Variants in PDSS2 observed in about 807,000 individuals in gnomAD.
PDSS2 encodes the protein all trans-polyprenyl-diphosphate synthase PDSS2.
PDSS2 carries 31 observed loss-of-function variants against 44.5 expected under a neutral mutation model. The observed-to-expected ratio is 0.70, with a 90% CI of 0.52 to 0.94. The LOEUF (loss-of-function observed/expected upper bound fraction) is 0.94. Among genes scored for constraint, PDSS2 ranks in the 40% least tolerant of loss-of-function variants. PDSS2 has a pLI of 0.00. For synonymous variants in PDSS2, 157 were observed against 180.3 expected (o/e 0.87, Z 1.03); for missense variants, 452 against 482.2 (o/e 0.94, Z 0.59).
chr6:107,410,001 G>C (rs1357169196), intron 1 of PDSS2, among the ~76,000 whole-genome samples: 2 of 152,152 alleles, frequency 1.3e-5, no homozygotes, highest in African/African-American at 4.8e-5. Flanking sequence ...CAGGCAGAGA[G>C]AAGAGTATGA....
intron 4 of PDSS2, among the ~76,000 whole-genome samples, chr6:107,230,687 T>C (rs1489541765): frequency 6.6e-6 from 1 of 151,538 alleles, no homozygotes; most frequent in South Asian, 2.1e-4. Context: ...GTTTTTCTCA[T>C]AGTGATGAGA....
At chr6:107,443,060 G>C (rs908032995) in intron 1 of PDSS2, among the ~76,000 whole-genome samples, 1 of 152,190 alleles carries the variant, frequency 6.6e-6, no homozygotes, top group Admixed American at 6.5e-5. Flanking sequence ...GGGAGGGGAA[G>C]GGAGAGGAGG....
intron 4 of PDSS2, among the ~76,000 whole-genome samples, chr6:107,223,149 T>C (rs1205378638): frequency 6.6e-6 from 1 of 150,642 alleles, no homozygotes; most frequent in African/African-American, 2.5e-5. Context: ...CAGGATGGTC[T>C]CGAACTCCTG....
intron 7 of PDSS2, among the ~76,000 whole-genome samples, chr6:107,193,144 C>A (rs554418067): frequency 2.0e-5 from 3 of 152,360 alleles, no homozygotes; most frequent in African/African-American, 7.2e-5. Context: ...TAGGCCTGTA[C>A]TGATGCACTG....
intron 3 of PDSS2, among the ~76,000 whole-genome samples, chr6:107,252,333 G>C (rs2114836490): frequency 6.6e-6 from 1 of 152,310 alleles, no homozygotes; most frequent in Non-Finnish European, 1.5e-5. Context: ...AGGAGTTCTG[G>C]AGGAAGCTTC....
Position 107,153,583 on chromosome 6 carries a change from A to AT in PDSS2, c.*1035dup, listed in dbSNP as rs782458568. ...TCCTTTTTCCTTAAAGAAAAAAAAA[A>AT]TTTGGTTCTTTGAAATGTGTTTGAA... On this transcript the variant is annotated 3_prime_UTR_variant, in exon 8 of 8. Transcript: ENST00000369037. The AT allele has an allele frequency of 1.3e-5, 2 of 152,610 alleles. No homozygotes were observed. The highest frequency in any genetic ancestry group is 2.9e-5 in the Non-Finnish European group (2 of 68,034). The allele number at this position is 152,610 out of a possible 1,614,324, so 9.5% of individuals were successfully genotyped here.
At chr6:107,366,057 A>T (rs1778951769) in intron 1 of PDSS2, among the ~76,000 whole-genome samples, 1 of 152,154 alleles carries the variant, frequency 6.6e-6, no homozygotes, top group Admixed American at 6.5e-5. Context: ...TATAACTGAC[A>T]TTTATAGAAT....
At chr6:107,302,092 G>A (rs1776715493) in intron 2 of PDSS2, among the ~76,000 whole-genome samples, 1 of 152,072 alleles carries the variant, frequency 6.6e-6, no homozygotes, top group Non-Finnish European at 1.5e-5. Flanking sequence ...TGGGTGATAT[G>A]TAAATGATTT....
intron 2 of PDSS2, among the ~76,000 whole-genome samples, chr6:107,295,977 T>TGTGAATTGCTTTTGTCAATGAGAA (rs1359913085): frequency 6.6e-5 from 10 of 152,220 alleles, no homozygotes; most frequent in Non-Finnish European, 1.2e-4. Flanking sequence ...AGTAAGGGTA[T>TGTGAATTGCTTTTGTCAATGAGAA]GTGAATTGCT....
rs1712349351 is a variant in PDSS2, at chr6:107,308,083, G to A, written c.431+26115C>T. Among the ~76,000 whole-genome samples the A allele has an allele frequency of 2.6e-5, 4 of 152,230 alleles. No individual in the cohort carries two copies. The South Asian group carries it at 6.2e-4, about 24-fold the overall frequency. ...AGATGAGCACAACGTACTAAGAAAG[G>A]AGAAAGAATAATTTAACAGGCACTC... On this transcript the variant is annotated intron_variant, in intron 2 of 7. Transcript: ENST00000369037.
chr6:107,289,683 G>A (rs1335595424), intron 2 of PDSS2, among the ~76,000 whole-genome samples: 3 of 152,150 alleles, frequency 2.0e-5, no homozygotes, highest in African/African-American at 7.2e-5. Context: ...GAGACAGAAT[G>A]AAACCCTGTC....
intron 4 of PDSS2, among the ~76,000 whole-genome samples, chr6:107,231,591 A>T (rs759428199): frequency 6.6e-6 from 1 of 152,206 alleles, no homozygotes; most frequent in Non-Finnish European, 1.5e-5. Context: ...ATCTTACTGT[A>T]TAAGACCCTA....
In PDSS2 at chr6:107,426,563, G is replaced by A. The variant is rs556829177; in HGVS notation, c.296+32427C>T. Reference sequence around the variant, plus strand: ...CAGACCCCAGAACGGTAGATCCACTGACAGCTTGTACCGTGTGCCCAGAAA... The same window carrying A: ...CAGACCCCAGAACGGTAGATCCACTAACAGCTTGTACCGTGTGCCCAGAAA... On this transcript the variant is annotated intron_variant, in intron 1 of 7. Coordinates refer to ENST00000369037, the MANE Select transcript of PDSS2 (RefSeq NM_020381.4). 2.5e-3 allele frequency among the ~76,000 whole-genome samples: 376 copies of A among 152,250 alleles called. 1 individual carries two copies. The highest frequency in any genetic ancestry group is 8.6e-3 in the African/African-American group (357 of 41,552).
chr6:107,260,567 T>A (rs1775178677), intron 3 of PDSS2, among the ~76,000 whole-genome samples: 1 of 152,134 alleles, frequency 6.6e-6, no homozygotes, highest in South Asian at 2.1e-4. Flanking sequence ...TATGGCAATA[T>A]TATATATAAT....
At chr6:107,228,758 C>A (rs981501264) in intron 4 of PDSS2, among the ~76,000 whole-genome samples, 1 of 144,882 alleles carries the variant, frequency 6.9e-6, no homozygotes, top group Non-Finnish European at 1.6e-5. Context: ...AAAACAAATT[C>A]CTCTCAATAG....
chr6:107,414,291 G>A (rs1310522408), intron 1 of PDSS2, among the ~76,000 whole-genome samples: 2 of 152,174 alleles, frequency 1.3e-5, no homozygotes, highest in African/African-American at 4.8e-5. Flanking sequence ...CTAAAATGGA[G>A]TTCAAACACA....
intron 2 of PDSS2, among the ~76,000 whole-genome samples, chr6:107,291,082 A>G (rs767525310): frequency 6.6e-5 from 10 of 152,294 alleles, no homozygotes; most frequent in Admixed American, 2.0e-4. Flanking sequence ...TGCCGGGTAA[A>G]AGAATCTTTC....
intron 4 of PDSS2, among the ~76,000 whole-genome samples, chr6:107,221,342 GAAAAAAAAAAAAAA>G (rs59605783): frequency 1.4e-5 from 1 of 70,224 alleles, no homozygotes; most frequent in East Asian, 4.8e-4. Context: ...ACTCCGTCTC[GAAAAAAAAAAAAAA>G]AAAAAAAAAA....
At chr6:107,387,047 A>G (rs1278116317) in intron 1 of PDSS2, among the ~76,000 whole-genome samples, 3 of 152,180 alleles carry the variant, frequency 2.0e-5, no homozygotes, top group African/African-American at 7.2e-5. Flanking sequence ...TCCTTCTCAA[A>G]TAAGTCTGAA....
Sources: gnomAD v4.1 joint callset for allele counts (sites outside exome capture counted in the v4.1 genomes callset) on GRCh38, gnomAD v4.1.1 for gene constraint, MANE v1.5 for transcripts, NCBI Gene and HGNC (gene_info 2026-07-23, HGNC 2026-07-21) for gene names.